MTUS2: variants seen among roughly 807,000 people sequenced by gnomAD.
The protein encoded by MTUS2 is microtubule-associated tumor suppressor candidate 2.
Under a neutral mutation model 114.1 loss-of-function variants are expected in MTUS2, and 40 were observed. The observed-to-expected ratio is 0.35, with a 90% CI of 0.27 to 0.46. The LOEUF is 0.46. Ranked by LOEUF, MTUS2 falls within the 20% of genes least tolerant of loss-of-function variation. MTUS2 has a pLI of 1.00. For missense variants in MTUS2, 1,679 were observed against 1,705.4 expected (o/e 0.98, Z 0.27); for synonymous variants, 688 against 672.0 (o/e 1.02, Z -0.37).
At chr13:28,949,989 T>A (rs1232490417) in intron 2 of MTUS2, among the ~76,000 whole-genome samples, 1 of 152,258 alleles carries the variant, frequency 6.6e-6, no homozygotes, top group Non-Finnish European at 1.5e-5. Flanking sequence ...AATTTCTGGA[T>A]CATGCAGTAA....
intron 2 of MTUS2, among the ~76,000 whole-genome samples, chr13:28,957,997 C>A (rs904181577): frequency 1.2e-4 from 18 of 152,202 alleles, no homozygotes; most frequent in Non-Finnish European, 2.5e-4. Flanking sequence ...CCTTGAAAAA[C>A]CACATGCCTG....
At chr13:29,015,812 T>C (rs909734104) in intron 2 of MTUS2, among the ~76,000 whole-genome samples, 128 of 152,224 alleles carry the variant, frequency 8.4e-4, no homozygotes, top group African/African-American at 3.0e-3. Flanking sequence ...AGTGAAAAAT[T>C]GGGGTTATAG....
At chr13:29,349,968 C>T (rs555990539) in intron 7 of MTUS2, among the ~76,000 whole-genome samples, 3 of 152,216 alleles carry the variant, frequency 2.0e-5, no homozygotes, top group South Asian at 2.1e-4. Context: ...CCTAATTCTT[C>T]GTCTTCAGGG....
At chr13:29,375,529 AT>A (rs1871547387) in intron 8 of MTUS2, among the ~76,000 whole-genome samples, 1 of 6,496 alleles carries the variant, frequency 1.5e-4, no homozygotes, top group South Asian at 0.016. Flanking sequence ...ATATATATAT[AT>A]ATATATACGT....
At chr13:29,112,970 G>A (rs777732377) in intron 5 of MTUS2, among the ~76,000 whole-genome samples, 3 of 152,188 alleles carry the variant, frequency 2.0e-5, no homozygotes, top group Non-Finnish European at 2.9e-5. Flanking sequence ...TCAGTAAGAG[G>A]TGCATGGGGG....
chr13:29,119,403 CTAT>C (rs1180378400), intron 5 of MTUS2, among the ~76,000 whole-genome samples: 26 of 152,128 alleles, frequency 1.7e-4, no homozygotes, highest in African/African-American at 6.3e-4. Context: ...AGTTAGAGAT[CTAT>C]TATTAGGAAT....
At chr13:28,881,219 A>G (rs763798295) in intron 2 of MTUS2, among the ~76,000 whole-genome samples, 48 of 152,228 alleles carry the variant, frequency 3.2e-4, no homozygotes, top group Admixed American at 8.5e-4. Context: ...AAGTGAGAAC[A>G]TGCGGTATTT....
intron 2 of MTUS2, among the ~76,000 whole-genome samples, chr13:28,905,929 A>G (rs1463195914): frequency 6.6e-6 from 1 of 151,588 alleles, no homozygotes; most frequent in Non-Finnish European, 1.5e-5. Context: ...CCACAATTTC[A>G]GAGCCTGTTA....
chr13:28,828,390 C>T (rs553576854), intron 1 of MTUS2, among the ~76,000 whole-genome samples: 1 of 152,232 alleles, frequency 6.6e-6, no homozygotes, highest in South Asian at 2.1e-4. Flanking sequence ...CATTCATCCT[C>T]AGCTTATGAA....
At chr13:29,038,372 A>G (rs1462935041) in intron 4 of MTUS2, among the ~76,000 whole-genome samples, 1 of 152,246 alleles carries the variant, frequency 6.6e-6, no homozygotes, top group Non-Finnish European at 1.5e-5. Context: ...CAGTGGAGGC[A>G]GCAGAACAGC....
chr13:28,948,610 C>T (rs1882654582), intron 2 of MTUS2, among the ~76,000 whole-genome samples: 1 of 152,178 alleles, frequency 6.6e-6, no homozygotes, highest in African/African-American at 2.4e-5. Context: ...TTTCTACCCT[C>T]TCATAAAATA....
At chr13:29,349,460 C>A (rs1342294638) in intron 7 of MTUS2, among the ~76,000 whole-genome samples, 1 of 152,084 alleles carries the variant, frequency 6.6e-6, no homozygotes, top group Non-Finnish European at 1.5e-5. Context: ...CTGAGTTACT[C>A]ATTTAATTGC....
chr13:29,317,965 G>A (rs138336225), intron 6 of MTUS2, among the ~76,000 whole-genome samples: 49 of 152,012 alleles, frequency 3.2e-4, no homozygotes, highest in African/African-American at 1.0e-3. Context: ...CATCACTTGC[G>A]TTGTGGCCAC....
At chr13:29,491,841 GT>G (rs1250464265) in intron 11 of MTUS2, among the ~76,000 whole-genome samples, 3 of 149,928 alleles carry the variant, frequency 2.0e-5, no homozygotes, top group African/African-American at 7.4e-5. Flanking sequence ...TGGTAGGTGT[GT>G]GTGTGTGGCA....
At chr13:29,359,121 T>A in intron 7 of MTUS2, 141 bp from the exon 8 acceptor site, 4 of 825,988 alleles carry the variant, frequency 4.8e-6, no homozygotes, top group Non-Finnish European at 7.5e-6. Flanking sequence ...CTGTTTTTTC[T>A]TTTCAATCCT....
chr13:29,136,152 G>A (rs374769770), intron 5 of MTUS2, among the ~76,000 whole-genome samples: 17 of 152,018 alleles, frequency 1.1e-4, no homozygotes, highest in African/African-American at 3.9e-4. Flanking sequence ...ATGTCCTTTC[G>A]TTTCAACCTG....
rs143962974 is a variant in MTUS2, at chr13:29,006,823, A to T, written c.-242-17634A>T. Among the ~76,000 whole-genome samples, 309 of 152,056 alleles carry T rather than the reference A, an allele frequency of 2.0e-3. 4 individuals are homozygous for T. The highest frequency in any genetic ancestry group is 7.3e-3 in the African/African-American group (301 of 41,460). Reference sequence around the variant, plus strand: ...CAACTGGACAATCTTTAAATCTGTGACTCTCTTCTGATGCTGCAATTTAAA... The same window carrying T: ...CAACTGGACAATCTTTAAATCTGTGTCTCTCTTCTGATGCTGCAATTTAAA... On this transcript the variant is annotated intron_variant, in intron 2 of 15. Coordinates refer to ENST00000612955, the MANE Select transcript of MTUS2 (RefSeq NM_001033602.4).
chr13:29,505,643 A>T lies in MTUS2; in HGVS notation c.*2437A>T. The T allele has an allele frequency of 4.3e-6, 1 of 231,132 alleles. No homozygotes were observed. The highest frequency in any genetic ancestry group is 6.1e-5 in the East Asian group (1 of 16,350). 14.3% of individuals were successfully genotyped at this position (231,132 alleles called of 1,614,324 possible). On this transcript the variant is annotated 3_prime_UTR_variant, in exon 16 of 16. Coordinates refer to ENST00000612955, the MANE Select transcript of MTUS2 (RefSeq NM_001033602.4). ...CTGCCTCTGTCCCCTTCCAGGCTGG[A>T]GCGACGTTTCCACGTTCGGATGCTG...
intron 2 of MTUS2, among the ~76,000 whole-genome samples, chr13:28,921,062 T>C (rs1881016051): frequency 1.3e-5 from 2 of 152,242 alleles, no homozygotes; most frequent in Non-Finnish European, 2.9e-5. Flanking sequence ...GCTGAGCTGG[T>C]ACCTGAGGTA....
Sources: gnomAD v4.1 joint callset for allele counts (sites outside exome capture counted in the v4.1 genomes callset) on GRCh38, gnomAD v4.1.1 for gene constraint, MANE v1.5 for transcripts, NCBI Gene and HGNC (gene_info 2026-07-23, HGNC 2026-07-21) for gene names.